CLASP1: variants seen among roughly 807,000 people sequenced by gnomAD.
CLASP1 encodes CLIP-associating protein 1.
A neutral mutation model predicts 192.3 loss-of-function variants in CLASP1; 38 were observed. That is an observed-to-expected ratio of 0.20 (90% confidence interval 0.15 to 0.26). The LOEUF (loss-of-function observed/expected upper bound fraction) is 0.26, where lower values mean the gene tolerates loss of function less well. CLASP1 is among the 10% of genes least tolerant of loss of function. The pLI is 1.00. For missense variants in CLASP1, 1,433 were observed against 1,932.5 expected, an observed-to-expected ratio of 0.74 and a Z score of 4.85; for synonymous variants, 691 against 712.8, an observed-to-expected ratio of 0.97 and a Z score of 0.49.
intron 8 of CLASP1, 43 bp from the exon 9 acceptor site, chr2:121,470,003 A>C: frequency 1.4e-6 from 2 of 1,448,522 alleles, no homozygotes; most frequent in Non-Finnish European, 1.9e-6. Context: ...TAAAAACAAA[A>C]ACTATATATA....
At chr2:121,523,031 T>C (rs1002526715) in intron 6 of CLASP1, among the ~76,000 whole-genome samples, 1 of 152,112 alleles carries the variant, frequency 6.6e-6, no homozygotes, top group Admixed American at 6.5e-5. Context: ...AGGACTCTCA[T>C]AAGGATTGAG....
chr2:121,565,855 C>G (rs1009398478), intron 2 of CLASP1, among the ~76,000 whole-genome samples: 9 of 152,234 alleles, frequency 5.9e-5, no homozygotes, highest in African/African-American at 2.2e-4. Flanking sequence ...TAAGTCCTTT[C>G]CCTGTTTGCA....
chr2:121,366,693 T>C (rs2149258504), intron 35 of CLASP1, among the ~76,000 whole-genome samples: 1 of 152,380 alleles, frequency 6.6e-6, no homozygotes, highest in South Asian at 2.1e-4. Context: ...GTTAACTATT[T>C]AGAATTCTAA....
intron 8 of CLASP1, among the ~76,000 whole-genome samples, chr2:121,478,913 ACCACACACACACCACACAACACCCC>A (rs2092252008): frequency 3.8e-5 from 2 of 52,378 alleles, no homozygotes; most frequent in Non-Finnish European, 7.1e-5. Flanking sequence ...CACCACACAC[ACCACACACACACCACACAACACCCC>A]CCACACACAC....
chr2:121,477,938 C>G (rs554742052), intron 8 of CLASP1, among the ~76,000 whole-genome samples: 1 of 152,280 alleles, frequency 6.6e-6, no homozygotes, highest in African/African-American at 2.4e-5. Context: ...TAAGCTGATG[C>G]TTAGGAGGTG....
intron 2 of CLASP1, among the ~76,000 whole-genome samples, chr2:121,565,141 A>G (rs2059395325): frequency 6.6e-6 from 1 of 152,174 alleles, no homozygotes; most frequent in Non-Finnish European, 1.5e-5. Context: ...TATCATCTGA[A>G]GTCAGGAACT....
At chr2:121,500,110 A>G (rs1321704486) in intron 8 of CLASP1, among the ~76,000 whole-genome samples, 4 of 152,140 alleles carry the variant, frequency 2.6e-5, no homozygotes, top group Non-Finnish European at 5.9e-5. Context: ...AACTCCTACA[A>G]CTAATAAGTT....
At chr2:121,595,486 T>G (rs1239927252) in intron 2 of CLASP1, among the ~76,000 whole-genome samples, 1 of 152,250 alleles carries the variant, frequency 6.6e-6, no homozygotes, top group Non-Finnish European at 1.5e-5. Flanking sequence ...TTCAATTTAT[T>G]ACTTCTTCTG....
At chr2:121,626,098 C>CA (rs557488865) in intron 1 of CLASP1, among the ~76,000 whole-genome samples, 18,222 of 111,116 alleles carry the variant, frequency 0.16, 1,549 homozygotes, top group African/African-American at 0.29. Flanking sequence ...GACTCCATCT[C>CA]AAAAAAAAAA....
intron 2 of CLASP1, chr2:121,532,353 G>GT (rs916631553): frequency 1.3e-5 from 2 of 152,144 alleles, no homozygotes; most frequent in African/African-American, 4.8e-5. Flanking sequence ...AAGGGATTAG[G>GT]TTTCACACTA....
At chr2:121,528,023 TC>T (rs1417776458) in intron 4 of CLASP1, 133 bp from the exon 5 acceptor site, 1 of 618,964 alleles carries the variant, frequency 1.6e-6, no homozygotes, top group African/African-American at 1.8e-5. Flanking sequence ...TTTAATCCTC[TC>T]GAGAGCATAC....
chr2:121,469,213 G>A (rs114589983), intron 9 of CLASP1, among the ~76,000 whole-genome samples: 143 of 152,124 alleles, frequency 9.4e-4, no homozygotes, highest in Non-Finnish European at 1.4e-3. Context: ...GCTACCTCCC[G>A]CTGGCCCAGC....
intron 7 of CLASP1, among the ~76,000 whole-genome samples, chr2:121,511,600 AAAG>A (rs1002462067): frequency 6.6e-6 from 1 of 152,202 alleles, no homozygotes; most frequent in African/African-American, 2.4e-5. Context: ...AAAAAAAAAA[AAAG>A]AGAGAGAGAG....
At chr2:121,622,690 T>C (rs919173485) in intron 1 of CLASP1, among the ~76,000 whole-genome samples, 9 of 152,236 alleles carry the variant, frequency 5.9e-5, no homozygotes, top group Admixed American at 5.2e-4. Context: ...GAATTATTCA[T>C]TGTAAATGTG....
At chr2:121,499,869 A>G (rs2093673203) in intron 8 of CLASP1, among the ~76,000 whole-genome samples, 1 of 152,150 alleles carries the variant, frequency 6.6e-6, no homozygotes, top group African/African-American at 2.4e-5. Flanking sequence ...TCATTTTGAT[A>G]AAGAACATCT....
rs1045941021 is a variant in CLASP1, at chr2:121,440,443, T to C, written c.1912+6894A>G. 2.6e-5 allele frequency among the ~76,000 whole-genome samples: 4 copies of C among 152,226 alleles called. No individual in the cohort carries two copies. In the East Asian group the frequency reaches 5.8e-4, roughly 22 times the overall value. On this transcript the variant is annotated intron_variant, in intron 19 of 39. Coordinates refer to ENST00000263710, the Ensembl canonical transcript of CLASP1. ...GGCTGGGCACAGTGGCTCACGCCTGTAATCCCAGCACTTTGGGAGGCCAAG... is the reference window on the plus strand; with the variant it reads ...GGCTGGGCACAGTGGCTCACGCCTGCAATCCCAGCACTTTGGGAGGCCAAG...
intron 30 of CLASP1, 67 bp downstream of exon 31, chr2:121,397,073 T>TA: frequency 1.3e-6 from 2 of 1,550,524 alleles, no homozygotes; most frequent in South Asian, 2.2e-5. Flanking sequence ...TTCAAGTTTC[T>TA]AAATACATTT....
chr2:121,385,095 C>T (rs547904972), intron 32 of CLASP1, among the ~76,000 whole-genome samples: 1 of 152,258 alleles, frequency 6.6e-6, no homozygotes, highest in South Asian at 2.1e-4. Flanking sequence ...AATGAGGTAA[C>T]CTAGTCAATT....
chr2:121,528,306 C>A (rs1196578697), intron 4 of CLASP1, among the ~76,000 whole-genome samples: 3 of 152,166 alleles, frequency 2.0e-5, no homozygotes, highest in Non-Finnish European at 2.9e-5. Context: ...CCCAGCAGCC[C>A]CAATTCACCG....
Sources: allele counts gnomAD v4.1 joint callset (sites outside exome capture counted in the v4.1 genomes callset), GRCh38; gene constraint gnomAD v4.1.1; transcripts MANE v1.5; gene names NCBI Gene and HGNC (gene_info 2026-07-23, HGNC 2026-07-21).